HSPA12A: variants seen among roughly 807,000 people sequenced by gnomAD.
The protein encoded by HSPA12A is heat shock 70 kDa protein 12A.
HSPA12A carries 28 observed loss-of-function variants against 69.2 expected under a neutral mutation model. The observed-to-expected ratio is 0.40, with a 90% confidence interval of 0.30 to 0.55. HSPA12A has a LOEUF of 0.55. Among genes scored for constraint, HSPA12A ranks in the 20% least tolerant of loss-of-function variants. The pLI is 0.38. For missense variants in HSPA12A, 686 were observed against 900.7 expected, an observed-to-expected ratio of 0.76 and a Z score of 3.05; for synonymous variants, 345 against 370.5, an observed-to-expected ratio of 0.93 and a Z score of 0.79.
At chr10:116,726,829 C>T (rs1268007877) in intron 1 of HSPA12A, among the ~76,000 whole-genome samples, 3 of 152,218 alleles carry the variant, frequency 2.0e-5, no homozygotes, top group African/African-American at 4.8e-5. Context: ...AGCTCCCACA[C>T]CTCCACCCTC....
intron 2 of HSPA12A, among the ~76,000 whole-genome samples, chr10:116,828,406 C>T (rs140411387): frequency 6.6e-6 from 1 of 152,298 alleles, no homozygotes; most frequent in Non-Finnish European, 1.5e-5. Context: ...GCAAAGCTGG[C>T]ATTCAGGACC....
At chr10:116,823,369 C>T (rs750587590) in intron 2 of HSPA12A, among the ~76,000 whole-genome samples, 1 of 152,062 alleles carries the variant, frequency 6.6e-6, no homozygotes, top group East Asian at 1.9e-4. Flanking sequence ...TGGCAATGCC[C>T]CCCCAAATGA....
At chr10:116,690,928 A>C (rs1554880081) in intron 6 of HSPA12A, among the ~76,000 whole-genome samples, 1 of 151,346 alleles carries the variant, frequency 6.6e-6, no homozygotes, top group East Asian at 1.9e-4. Flanking sequence ...CCTGGGAAAA[A>C]CTCAGAACGC....
intron 1 of HSPA12A, among the ~76,000 whole-genome samples, chr10:116,708,975 A>T (rs1554882779): frequency 6.6e-6 from 1 of 152,216 alleles, no homozygotes; most frequent in Non-Finnish European, 1.5e-5. Context: ...TGTGGAAAAG[A>T]GTTTGGCAGT....
At chr10:116,810,656 T>A (rs147179738) in intron 2 of HSPA12A, among the ~76,000 whole-genome samples, 40 of 152,274 alleles carry the variant, frequency 2.6e-4, no homozygotes, top group African/African-American at 9.1e-4. Context: ...TGGAGACTTG[T>A]TAGACATGCA....
At chr10:116,771,259 C>T (rs11197814) in intron 2 of HSPA12A, among the ~76,000 whole-genome samples, 8,433 of 152,266 alleles carry the variant, frequency 0.055, 758 homozygotes, top group African/African-American at 0.19. Flanking sequence ...CATTCACAGG[C>T]GAGATAAAAC....
intron 2 of HSPA12A, among the ~76,000 whole-genome samples, chr10:116,788,500 T>C (rs1844629487): frequency 6.6e-6 from 1 of 152,164 alleles, no homozygotes; most frequent in African/African-American, 2.4e-5. Flanking sequence ...AAAACAATAA[T>C]GAAAAGCACT....
At chr10:116,823,373 C>T (rs1845440402) in intron 2 of HSPA12A, among the ~76,000 whole-genome samples, 1 of 152,128 alleles carries the variant, frequency 6.6e-6, no homozygotes, top group African/African-American at 2.4e-5. Flanking sequence ...AATGCCCCCC[C>T]AAATGATCTA....
intron 1 of HSPA12A, among the ~76,000 whole-genome samples, chr10:116,835,552 A>C (rs556309215): frequency 4.6e-4 from 70 of 152,296 alleles, no homozygotes; most frequent in African/African-American, 1.6e-3. Flanking sequence ...TAGATATTAC[A>C]AAGACAAGCG....
At chr10:116,812,505 A>G (rs1272564755) in intron 2 of HSPA12A, among the ~76,000 whole-genome samples, 4 of 152,088 alleles carry the variant, frequency 2.6e-5, no homozygotes, top group Non-Finnish European at 4.4e-5. Flanking sequence ...GGGAACCCCC[A>G]CAACCATCAG....
chr10:116,781,800 C>T (rs1703036928), intron 2 of HSPA12A, among the ~76,000 whole-genome samples: 1 of 152,176 alleles, frequency 6.6e-6, no homozygotes, highest in East Asian at 1.9e-4. Context: ...GGGGTGTCCT[C>T]CTTGGGTCCA....
intron 5 of HSPA12A, among the ~76,000 whole-genome samples, 153 bp from the exon 6 acceptor site, chr10:116,692,620 T>A (rs1849769261): frequency 1.3e-5 from 2 of 152,176 alleles, no homozygotes; most frequent in South Asian, 2.1e-4. Context: ...AGAGCAAAGA[T>A]CTGTTTCCTG....
At chr10:116,746,804 T>C (rs1554887852), upstream of HSPA12A, among the ~76,000 whole-genome samples, 1 of 152,212 alleles carries the variant, frequency 6.6e-6, no homozygotes, top group African/African-American at 2.4e-5. Flanking sequence ...TATGAGTAGC[T>C]TTTTCCATTT....
At chr10:116,824,526 C>A (rs184153710) in intron 2 of HSPA12A, among the ~76,000 whole-genome samples, 11 of 152,330 alleles carry the variant, frequency 7.2e-5, no homozygotes, top group African/African-American at 2.4e-4. Context: ...GACAAACAAA[C>A]CATGTTCTAT....
At chr10:116,702,360 G>C (rs1342122865) in intron 3 of HSPA12A, among the ~76,000 whole-genome samples, 4 of 152,168 alleles carry the variant, frequency 2.6e-5, no homozygotes, top group Non-Finnish European at 5.9e-5. Flanking sequence ...GGGAAAATGA[G>C]CCACTTTCCT....
chr10:116,836,261 C>T (rs991262722), intron 1 of HSPA12A, among the ~76,000 whole-genome samples: 1 of 152,080 alleles, frequency 6.6e-6, no homozygotes, highest in Non-Finnish European at 1.5e-5. Flanking sequence ...TCTGCAGGTG[C>T]CTCCTACTGT....
chr10:116,800,598 A>G (rs1681737), intron 2 of HSPA12A, among the ~76,000 whole-genome samples: 152,142 of 152,242 alleles, frequency 1, 76,021 homozygotes, highest in Non-Finnish European at 1. Context: ...TTTTTCATTC[A>G]GATGCCAGTA....
upstream of HSPA12A, among the ~76,000 whole-genome samples, chr10:116,744,456 C>T (rs1270165427): frequency 1.3e-5 from 2 of 152,246 alleles, no homozygotes; most frequent in South Asian, 4.1e-4. Flanking sequence ...AGCCCCTGCA[C>T]ATCTGCCTCC....
At chr10:116,692,320 C>T (rs974789228) in intron 6 of HSPA12A, 31 bp downstream of exon 6, 98 of 1,562,494 alleles carry the variant, frequency 6.3e-5, no homozygotes, top group Non-Finnish European at 7.5e-5. Context: ...CCTTCTCCTC[C>T]GGCTTCCACC....
Sources: allele counts gnomAD v4.1 joint callset (sites outside exome capture counted in the v4.1 genomes callset), GRCh38; gene constraint gnomAD v4.1.1; transcripts MANE v1.5; gene names NCBI Gene and HGNC (gene_info 2026-07-23, HGNC 2026-07-21).